The following PTPRG variants were observed in gnomAD, a reference collection of about 807,000 sequenced individuals.
PTPRG encodes protein tyrosine phosphatase receptor type G, also known as receptor-type tyrosine-protein phosphatase gamma.
PTPRG carries 102 observed loss-of-function variants against 165.3 expected under a neutral mutation model. That is an observed-to-expected ratio of 0.62 (90% CI 0.53 to 0.73). The LOEUF (loss-of-function observed/expected upper bound fraction) is 0.73, where lower values mean the gene tolerates loss of function less well. PTPRG is among the 30% of genes least tolerant of loss of function. PTPRG has a pLI of 0.00. For missense variants in PTPRG, 1,866 were observed against 1,861.4 expected, an observed-to-expected ratio of 1.00 and a Z score of -0.05; for synonymous variants, 675 against 669.5, an observed-to-expected ratio of 1.01 and a Z score of -0.13.
chr3:62,269,673 A>G (rs777710711), intron 20 of PTPRG, among the ~76,000 whole-genome samples: 10 of 152,198 alleles, frequency 6.6e-5, no homozygotes, highest in African/African-American at 1.7e-4. Context: ...GGTGTTAACA[A>G]TAATACCCTT....
intron 2 of PTPRG, among the ~76,000 whole-genome samples, chr3:61,885,200 CTA>C (rs1351680831): frequency 1.3e-5 from 2 of 151,766 alleles, no homozygotes; most frequent in East Asian, 1.9e-4. Flanking sequence ...TAACGGTAAA[CTA>C]TGACAGTTTG....
chr3:61,655,167 A>C lies in PTPRG; in HGVS notation c.85+92795A>C, dbSNP rs141852835. ...AGTCATCCTGCAGGTGGAATGGTTG[A>C]GTCGCCGAGTCCCCTGCCAGATTGT... On this transcript the variant is annotated intron_variant, in intron 1 of 29. Coordinates refer to ENST00000474889, the MANE Select transcript of PTPRG (RefSeq NM_002841.4). Among the ~76,000 whole-genome samples the C allele has an allele frequency of 9.1e-3, 1,381 of 152,228 alleles. 27 individuals carry two copies. Among genetic ancestry groups the C allele is most frequent in the African/African-American group, 0.029 (1,198 of 41,546 alleles).
rs1430532140 is a variant in PTPRG at position 62,237,631 on chromosome 3, T to C, written c.2376-6176T>C. ...CTTTATCCTTAAAATATCTCCCTTA[T>C]TTGAAAGCATGGAAGGTTATTTTTA... On this transcript the variant is annotated intron_variant, in intron 14 of 29. Coordinates refer to ENST00000474889, the MANE Select transcript of PTPRG (RefSeq NM_002841.4). The surrounding 1 kb of genome is among the most constrained non-coding windows in gnomAD (Gnocchi z 4.5). Among the ~76,000 whole-genome samples the C allele has an allele frequency of 2.0e-5, 3 of 152,340 alleles. No homozygotes were observed. Among genetic ancestry groups the C allele is most frequent in the African/African-American group, 4.8e-5 (2 of 41,580 alleles).
At chr3:61,724,813 G>A (rs1020929107) in intron 1 of PTPRG, among the ~76,000 whole-genome samples, 1 of 151,594 alleles carries the variant, frequency 6.6e-6, no homozygotes, top group Non-Finnish European at 1.5e-5. Context: ...CTTTCTTATT[G>A]GATTTCTTTT....
At chr3:61,880,377 C>T (rs566874121) in intron 2 of PTPRG, among the ~76,000 whole-genome samples, 1 of 152,216 alleles carries the variant, frequency 6.6e-6, no homozygotes, top group East Asian at 1.9e-4. Flanking sequence ...CCCAGAACTT[C>T]GGGAGACCAA....
intron 5 of PTPRG, chr3:62,124,065 CT>C (rs540723355): frequency 3.4e-3 from 1,548 of 460,600 alleles, no homozygotes; most frequent in Middle Eastern, 4.0e-3. Context: ...TTTTCCTTCC[CT>C]TTTTTTTTTC....
At chr3:62,066,552 A>C (rs1212056914) in intron 4 of PTPRG, among the ~76,000 whole-genome samples, 3 of 152,238 alleles carry the variant, frequency 2.0e-5, no homozygotes, top group Non-Finnish European at 4.4e-5. Flanking sequence ...TTTTTGAAAT[A>C]CAAATGAGTT....
intron 1 of PTPRG, among the ~76,000 whole-genome samples, chr3:61,727,993 A>G (rs1222568455): frequency 6.6e-6 from 1 of 152,056 alleles, no homozygotes. Flanking sequence ...CATTTGTGAT[A>G]TTTTCATTGT....
chr3:62,155,293 C>T lies in PTPRG; in HGVS notation c.683-1774C>T, dbSNP rs77039744. On this transcript the variant is annotated intron_variant, in intron 6 of 29. Transcript: ENST00000474889. ...TAACTGCTGTTACTTCGCTGTTCAC[C>T]AGTGCTTGGGCTTGGTTATTTAACC... Among the ~76,000 whole-genome samples the T allele has an allele frequency of 3.3e-3, 506 of 152,308 alleles. 4 individuals are homozygous for T. Among genetic ancestry groups the T allele is most frequent in the African/African-American group, 0.012 (480 of 41,566 alleles).
chr3:61,626,113 T>C (rs1052473170), intron 1 of PTPRG, among the ~76,000 whole-genome samples: 2 of 151,994 alleles, frequency 1.3e-5, no homozygotes, highest in Non-Finnish European at 2.9e-5. Flanking sequence ...TACAGCTGAA[T>C]AGGAATCAAG....
chr3:61,731,349 C>CTTTT (rs543374959), intron 1 of PTPRG, among the ~76,000 whole-genome samples: 14 of 132,192 alleles, frequency 1.1e-4, no homozygotes, highest in Admixed American at 2.3e-4. Context: ...TTCCTTTTTC[C>CTTTT]TTTTTTTTTT....
rs1702128534 is a variant in PTPRG at position 62,273,139 on chromosome 3, T to C, written c.3318+58T>C. ...TCTGGCAAATGCTGTAACTGAAATT[T>C]GTTAAATGATAATGAAGAGACAGAT... On this transcript the variant is annotated intron_variant, in intron 22 of 29. Transcript: ENST00000474889. This position sits in a 1 kb window ranked among gnomAD's most constrained non-coding sequence, Gnocchi z 4.1. 2 of 1,523,240 alleles carry C rather than the reference T, an allele frequency of 1.3e-6. No individual in the cohort carries two copies. Among genetic ancestry groups the C allele is most frequent in the South Asian group, 2.6e-5 (2 of 76,366 alleles). The allele number at this position is 1,523,240 out of a possible 1,614,324, so 94.4% of individuals were successfully genotyped here.
At chr3:61,656,269 T>G (rs1702507770) in intron 1 of PTPRG, among the ~76,000 whole-genome samples, 2 of 152,250 alleles carry the variant, frequency 1.3e-5, no homozygotes, top group Middle Eastern at 3.4e-3. Flanking sequence ...AAGAAAGGGC[T>G]TCTTTCCTTC....
chr3:62,021,969 G>A (rs1224903103), intron 4 of PTPRG, among the ~76,000 whole-genome samples: 1 of 149,554 alleles, frequency 6.7e-6, no homozygotes, highest in Non-Finnish European at 1.5e-5. Context: ...GAGAGGAACA[G>A]ACTTTTTTTC....
intron 2 of PTPRG, among the ~76,000 whole-genome samples, chr3:61,846,824 AG>A (rs1451502966): frequency 6.6e-6 from 1 of 152,116 alleles, no homozygotes; most frequent in Admixed American, 6.5e-5. Context: ...CTGAGGTTGG[AG>A]GATTGCTTGA....
intron 1 of PTPRG, among the ~76,000 whole-genome samples, chr3:61,730,220 A>C (rs537592766): frequency 1.3e-5 from 2 of 152,038 alleles, no homozygotes; most frequent in African/African-American, 2.4e-5. Context: ...GAGCCCACCA[A>C]CTGTTGCAGC....
At position 61,840,780 on chromosome 3, in the gene PTPRG, TTG is replaced by T. The variant is rs1475301345; in HGVS notation, c.190+91800_190+91801del. Among the ~76,000 whole-genome samples the T allele has an allele frequency of 1.4e-4, 16 of 112,718 alleles. No individual in the cohort carries two copies. The South Asian group carries it at 1.6e-3, about 11-fold the overall frequency. 73.9% of individuals were successfully genotyped at this position (112,718 alleles called of 152,430 possible). ...TTCAGATGGAGTTTTTTTTGTTTGTTTGTTTTTTTTTTTTTTTTTTTGAGATG... is the reference window on the plus strand; with the variant it reads ...TTCAGATGGAGTTTTTTTTGTTTGTTTTTTTTTTTTTTTTTTTTTGAGATG... On this transcript the variant is annotated intron_variant, in intron 2 of 29. Transcript: ENST00000474889.
chr3:62,098,008 A>T (rs2106817375), intron 5 of PTPRG, among the ~76,000 whole-genome samples: 1 of 152,350 alleles, frequency 6.6e-6, no homozygotes, highest in East Asian at 1.9e-4. Flanking sequence ...GCTATCACAG[A>T]GATTTAATAA....
chr3:61,930,040 ATTTTT>A (rs11437496), intron 2 of PTPRG, among the ~76,000 whole-genome samples: 1 of 137,082 alleles, frequency 7.3e-6, no homozygotes, highest in Non-Finnish European at 1.6e-5. Context: ...ATAATGCGGT[ATTTTT>A]TTTTTTTTTT....
Sources: allele counts gnomAD v4.1 joint callset (sites outside exome capture counted in the v4.1 genomes callset), GRCh38; gene constraint gnomAD v4.1.1; non-coding constraint Gnocchi (gnomAD v3.1); transcripts MANE v1.5; gene names NCBI Gene and HGNC (gene_info 2026-07-23, HGNC 2026-07-21).